Variants in PUDP observed in about 807,000 individuals in gnomAD.
PUDP encodes pseudouridine-5'-phosphatase.
A neutral mutation model predicts 9.4 loss-of-function variants in PUDP; 8 were observed. That is an observed-to-expected ratio of 0.85 (90% CI 0.50 to 1.53). PUDP has a LOEUF of 1.53. PUDP is among the 40% of genes most tolerant of loss of function. The pLI, the probability that PUDP is intolerant of heterozygous loss-of-function variation, is 0.00. For missense variants in PUDP, 188 were observed against 189.7 expected, an observed-to-expected ratio of 0.99 and a Z score of 0.05; for synonymous variants, 99 against 80.7, an observed-to-expected ratio of 1.23 and a Z score of -1.22.
At chrX:7,068,589 C>T (rs1236402223) in intron 3 of PUDP, among the ~76,000 whole-genome samples, 1 of 111,640 alleles carries the variant, frequency 9.0e-6, no homozygotes, top group Non-Finnish European at 1.9e-5. Context: ...GAAGAGAGGG[C>T]CTAAGAAGTG....
intron 3 of PUDP, among the ~76,000 whole-genome samples, chrX:6,767,160 T>G (rs1385915486): frequency 2.6e-5 from 3 of 113,224 alleles, no homozygotes; most frequent in Non-Finnish European, 5.6e-5. Context: ...CCCAGCCTTG[T>G]AAGGCAGTGG....
intron 1 of PUDP, among the ~76,000 whole-genome samples, chrX:7,037,997 G>A (rs987769690): frequency 8.9e-6 from 1 of 111,894 alleles, no homozygotes; most frequent in Non-Finnish European, 1.9e-5. Flanking sequence ...ATGAGGAACT[G>A]TAATTCTATG....
At chrX:7,100,866 G>C (rs1295377991) in intron 2 of PUDP, among the ~76,000 whole-genome samples, 1 of 112,048 alleles carries the variant, frequency 8.9e-6, no homozygotes, top group Non-Finnish European at 1.9e-5. Flanking sequence ...CTGTCTTTCT[G>C]CTCTATACAT....
intron 3 of PUDP, among the ~76,000 whole-genome samples, chrX:6,746,474 G>A (rs1401441607): frequency 9.0e-6 from 1 of 111,443 alleles, no homozygotes; most frequent in Non-Finnish European, 1.9e-5. Context: ...ATAAGTAAAC[G>A]TGTGCCATGG....
chrX:6,782,508 TGCA>T, intron 3 of PUDP, among the ~76,000 whole-genome samples: 1 of 111,415 alleles, frequency 9.0e-6, no homozygotes, highest in Middle Eastern at 4.6e-3. Context: ...AGGTGGAGGT[TGCA>T]GCAAGCAGAA....
At chrX:7,136,225 T>C (rs1406792993) in intron 1 of PUDP, among the ~76,000 whole-genome samples, 1 of 111,439 alleles carries the variant, frequency 9.0e-6, no homozygotes, top group Non-Finnish European at 1.9e-5. Flanking sequence ...CTGCTAGAGG[T>C]CCAGATGGAT....
intron 3 of PUDP, among the ~76,000 whole-genome samples, chrX:6,779,043 G>A (rs1419068608): frequency 1.8e-5 from 2 of 111,582 alleles, no homozygotes; most frequent in Non-Finnish European, 3.8e-5. Flanking sequence ...TACTAGGTGC[G>A]CATAAGAGCG....
chrX:6,736,723 C>A lies in PUDP; in HGVS notation c.*248-30257G>T, dbSNP rs192602113. On this transcript the variant is annotated intron_variant and NMD_transcript_variant, in intron 3 of 3. Transcript: ENST00000655425. ...GCACCAACATGGATGGAGCTGGAGG[C>A]CATGATCCTAAGTGAAGTAACACAG... 3.6e-5 allele frequency among the ~76,000 whole-genome samples: 4 copies of A among 111,268 alleles called. No individual in the cohort carries two copies. In the East Asian group the frequency reaches 1.1e-3, roughly 32 times the overall value.
In PUDP at chrX:7,122,558, A is replaced by G. The variant is rs770026162; in HGVS notation, c.62-16720T>C. On this transcript the variant is annotated intron_variant, in intron 1 of 3. Transcript: ENST00000381077. ...TTAAGAAGGCAGCAGGTATGTGATG[A>G]AATAACAGATTGATATGCTTTGTAA... 1.3e-3 allele frequency among the ~76,000 whole-genome samples: 143 copies of G among 111,783 alleles called. 1 individual carries two copies. The highest frequency in any genetic ancestry group is 4.3e-3 in the African/African-American group (132 of 30,767).
intron 1 of PUDP, among the ~76,000 whole-genome samples, chrX:6,988,420 G>A (rs754769332): frequency 8.9e-6 from 1 of 112,023 alleles, no homozygotes; most frequent in Non-Finnish European, 1.9e-5. Flanking sequence ...ACCGGGTGCA[G>A]GGAGAAGACC....
intron 3 of PUDP, among the ~76,000 whole-genome samples, chrX:6,970,791 C>G (rs898247919): frequency 1.8e-4 from 20 of 111,303 alleles, no homozygotes; most frequent in African/African-American, 6.2e-4. Flanking sequence ...CAGCTGGGTG[C>G]AGTGGCTCAC....
At chrX:7,087,261 G>A (rs1472650747) in intron 2 of PUDP, among the ~76,000 whole-genome samples, 2 of 111,658 alleles carry the variant, frequency 1.8e-5, no homozygotes, top group East Asian at 5.6e-4. Flanking sequence ...GGACGAGGGA[G>A]GGCGTGTGAA....
At chrX:6,806,821 T>C (rs981417002) in intron 3 of PUDP, among the ~76,000 whole-genome samples, 3 of 112,566 alleles carry the variant, frequency 2.7e-5, no homozygotes, top group Non-Finnish European at 5.6e-5. Flanking sequence ...TGGTTGGCAA[T>C]AGTTAAGACT....
intron 3 of PUDP, among the ~76,000 whole-genome samples, chrX:6,868,724 A>C (rs1301616241): frequency 1.8e-5 from 2 of 111,731 alleles, no homozygotes; most frequent in Admixed American, 9.5e-5. Flanking sequence ...TCTCTGCAAA[A>C]TTTTATGTCA....
At chrX:6,877,838 T>C (rs1162948053) in intron 3 of PUDP, among the ~76,000 whole-genome samples, 1 of 111,497 alleles carries the variant, frequency 9.0e-6, no homozygotes, top group African/African-American at 3.3e-5. Context: ...ACAGAACCTG[T>C]CCCCACTCCC....
At chrX:6,950,335 C>CT (rs1319822797) in intron 3 of PUDP, among the ~76,000 whole-genome samples, 2 of 63,586 alleles carry the variant, frequency 3.1e-5, no homozygotes, top group African/African-American at 1.3e-4. Flanking sequence ...AAAGCTCTGT[C>CT]TCAAAAAAAA....
chrX:6,875,111 C>G (rs987824612), intron 3 of PUDP, among the ~76,000 whole-genome samples: 2 of 111,667 alleles, frequency 1.8e-5, no homozygotes. Context: ...CTCTGTCGTC[C>G]AGGCTGGAGT....
chrX:6,752,941 G>C (rs1004534470), intron 3 of PUDP, among the ~76,000 whole-genome samples: 1 of 111,585 alleles, frequency 9.0e-6, no homozygotes, highest in Non-Finnish European at 1.9e-5. Context: ...CATATAGATA[G>C]AAATACAATT....
At chrX:6,749,141 G>A (rs1210703205) in intron 3 of PUDP, among the ~76,000 whole-genome samples, 7 of 112,071 alleles carry the variant, frequency 6.2e-5, no homozygotes, top group Non-Finnish European at 1.3e-4. Flanking sequence ...CTATTTCTCT[G>A]TGCATTAGAA....
Sources: gnomAD v4.1 joint callset for allele counts (sites outside exome capture counted in the v4.1 genomes callset) on GRCh38, gnomAD v4.1.1 for gene constraint, MANE v1.5 for transcripts, NCBI Gene and HGNC (gene_info 2026-07-23, HGNC 2026-07-21) for gene names.